Variants in TBXAS1 observed in about 807,000 individuals in gnomAD.
The protein encoded by TBXAS1 is thromboxane-A synthase.
TBXAS1 carries 48 observed loss-of-function variants against 60.7 expected under a neutral mutation model. That is an observed-to-expected ratio of 0.79 (90% CI 0.63 to 1.01). The LOEUF (loss-of-function observed/expected upper bound fraction) is 1.01. Among genes scored for constraint, TBXAS1 ranks in the 50% least tolerant of loss-of-function variants. TBXAS1 has a pLI of 0.00. For missense variants in TBXAS1, 685 were observed against 686.3 expected, an observed-to-expected ratio of 1.00 and a Z score of 0.02; for synonymous variants, 287 against 269.7, an observed-to-expected ratio of 1.06 and a Z score of -0.63.
At position 139,808,321 on chromosome 7, in the gene TBXAS1, G is replaced by A. The variant is rs575593930; in HGVS notation, c.-80+20895G>A. Among the ~76,000 whole-genome samples, 5 of 152,254 alleles carry A rather than the reference G, an allele frequency of 3.3e-5. No individual in the cohort carries two copies. In the South Asian group the frequency reaches 8.3e-4, roughly 25 times the overall value. ...CCACTGCCCTCCAGCTTGGGTGACA[G>A]AGTGAGACCCTGTCTCAAAAAAACA... On this transcript the variant is annotated intron_variant, in intron 4 of 16. Transcript: ENST00000336425.
intron 3 of TBXAS1, among the ~76,000 whole-genome samples, chr7:139,882,416 G>A (rs1248732781): frequency 6.6e-6 from 1 of 152,166 alleles, no homozygotes. Flanking sequence ...TTTTTAAACT[G>A]GACTGAGCTC....
At chr7:139,944,986 G>A (rs1298972960) in intron 5 of TBXAS1, among the ~76,000 whole-genome samples, 1 of 152,174 alleles carries the variant, frequency 6.6e-6, no homozygotes, top group East Asian at 1.9e-4. Context: ...AAGGAAATGT[G>A]GAGGCTGAGT....
intron 9 of TBXAS1, among the ~76,000 whole-genome samples, chr7:139,970,637 CA>C (rs1168930353): frequency 6.6e-6 from 1 of 152,206 alleles, no homozygotes; most frequent in African/African-American, 2.4e-5. Context: ...ATCATGATGG[CA>C]TTCACTTTAT....
At chr7:139,937,250 C>T (rs1807866930) in intron 5 of TBXAS1, among the ~76,000 whole-genome samples, 1 of 152,212 alleles carries the variant, frequency 6.6e-6, no homozygotes, top group African/African-American at 2.4e-5. Context: ...AGCAAGGGAG[C>T]TTCCAAAGCT....
chr7:139,797,653 A>T (rs1421760833), intron 4 of TBXAS1, among the ~76,000 whole-genome samples: 1 of 152,150 alleles, frequency 6.6e-6, no homozygotes, highest in Non-Finnish European at 1.5e-5. Context: ...AACTCTTTAC[A>T]TTCCTGTGTA....
intron 1 of TBXAS1, among the ~76,000 whole-genome samples, chr7:139,855,835 A>T (rs1177809505): frequency 6.6e-6 from 1 of 152,162 alleles, no homozygotes; most frequent in Non-Finnish European, 1.5e-5. Context: ...ATTCTTCTTG[A>T]ACTTGAGAAG....
chr7:139,817,427 G>A (rs1490062065), intron 4 of TBXAS1, among the ~76,000 whole-genome samples: 2 of 152,074 alleles, frequency 1.3e-5, no homozygotes, highest in Non-Finnish European at 2.9e-5. Flanking sequence ...CCCCCTGCCG[G>A]CCCCTCCCTA....
At chr7:139,870,867 C>T (rs2267683) in intron 1 of TBXAS1, among the ~76,000 whole-genome samples, 72,034 of 151,950 alleles carry the variant, frequency 0.47, 17,657 homozygotes, top group African/African-American at 0.6. Context: ...GGCAGGAGGA[C>T]CGCTTGAGGC....
intron 3 of TBXAS1, among the ~76,000 whole-genome samples, chr7:139,886,345 C>G (rs1348417803): frequency 6.6e-6 from 1 of 151,098 alleles, no homozygotes; most frequent in East Asian, 1.9e-4. Flanking sequence ...GTTCTCCAGG[C>G]TCCCCACATT....
intron 4 of TBXAS1, among the ~76,000 whole-genome samples, chr7:139,810,864 A>T (rs1047938885): frequency 3.9e-5 from 6 of 152,264 alleles, no homozygotes; most frequent in Non-Finnish European, 7.3e-5. Context: ...TTTCAAAAAT[A>T]AATATTTAAA....
intron 3 of TBXAS1, among the ~76,000 whole-genome samples, chr7:139,876,467 G>A (rs759780306): frequency 3.3e-5 from 5 of 152,036 alleles, no homozygotes; most frequent in African/African-American, 7.2e-5. Flanking sequence ...GCAGCTTTTC[G>A]TAGACCTCTG....
intron 6 of TBXAS1, among the ~76,000 whole-genome samples, chr7:139,953,720 G>A (rs971328379): frequency 2.6e-5 from 4 of 152,232 alleles, no homozygotes; most frequent in Admixed American, 2.6e-4. Context: ...GAATGGGCAG[G>A]ACAGGCCTGC....
intron 4 of TBXAS1, among the ~76,000 whole-genome samples, chr7:139,918,465 A>G (rs73482153): frequency 0.015 from 2,305 of 152,296 alleles, 70 homozygotes; most frequent in African/African-American, 0.053. Flanking sequence ...GTGCAATATC[A>G]GGAACACCCT....
intron 4 of TBXAS1, among the ~76,000 whole-genome samples, chr7:139,791,241 T>A (rs996959944): frequency 6.6e-6 from 1 of 152,188 alleles, no homozygotes; most frequent in Admixed American, 6.6e-5. Context: ...ACAATGAAAG[T>A]TTATTTCTCG....
chr7:139,881,450 CTT>C (rs143234296), intron 3 of TBXAS1, among the ~76,000 whole-genome samples: 278 of 151,630 alleles, frequency 1.8e-3, no homozygotes, highest in African/African-American at 5.8e-3. Context: ...GGGACACACC[CTT>C]TTTCCCCCCC....
chr7:139,857,729 A>ATT (rs544006307), intron 1 of TBXAS1, among the ~76,000 whole-genome samples: 152 of 139,660 alleles, frequency 1.1e-3, no homozygotes, highest in African/African-American at 3.4e-3. Context: ...TTTCTTCTTA[A>ATT]TTTTTTTTTT....
At chr7:139,977,896 G>C (rs938820645) in intron 9 of TBXAS1, among the ~76,000 whole-genome samples, 22 of 152,190 alleles carry the variant, frequency 1.4e-4, no homozygotes, top group Non-Finnish European at 2.9e-4. Context: ...AATAGGCCCT[G>C]TTAACCAAAA....
At chr7:139,848,983 CA>C (rs1406801517) in intron 1 of TBXAS1, among the ~76,000 whole-genome samples, 2 of 151,788 alleles carry the variant, frequency 1.3e-5, no homozygotes, top group African/African-American at 4.8e-5. Context: ...AAAATAAAAC[CA>C]TAACAAAAAA....
At position 139,962,151 on chromosome 7, in the gene TBXAS1, C is replaced by A; in HGVS notation, c.1052C>A (p.Ser351Tyr). 4 of 1,614,222 alleles carry A rather than the reference C, an allele frequency of 2.5e-6. No individual in the cohort carries two copies. Among genetic ancestry groups the A allele is most frequent in the Non-Finnish European group, 3.4e-6 (4 of 1,180,046 alleles). The change falls in exon 9 of 13, where the codon TCT becomes TAT. Residue 351 changes from serine (S) to tyrosine (Y), a missense_variant. By Grantham distance (144) the Ser-to-Tyr change is moderately radical. Transcript: ENST00000448866. ...TATGAAATCATCACCAACACACTTT[C>A]TTTTGCCACCTACCTACTGGCCACC... ...AGYEIITNTLSFATYLLATNP... is the reference protein window; with the variant it reads ...AGYEIITNTLYFATYLLATNP...
Sources: gnomAD v4.1 joint callset for allele counts (sites outside exome capture counted in the v4.1 genomes callset) on GRCh38, gnomAD v4.1.1 for gene constraint, MANE v1.5 for transcripts, NCBI Gene and HGNC (gene_info 2026-07-23, HGNC 2026-07-21) for gene names.